The following OTOGL variants were observed in gnomAD, a reference collection of about 807,000 sequenced individuals.
The protein encoded by OTOGL is otogelin like.
OTOGL carries 285 observed loss-of-function variants against 318.5 expected under a neutral mutation model. The ratio of observed to expected loss-of-function variants is 0.89; its 90% CI spans 0.81 to 0.99. The LOEUF (loss-of-function observed/expected upper bound fraction) is 0.99, where lower values mean the gene tolerates loss of function less well. Among genes scored for constraint, OTOGL ranks in the 50% least tolerant of loss-of-function variants. The pLI is 0.00. For synonymous variants in OTOGL, 987 were observed against 936.5 expected, an observed-to-expected ratio of 1.05 and a Z score of -0.99; for missense variants, 2,899 against 2,845.6, an observed-to-expected ratio of 1.02 and a Z score of -0.43.
At chr12:80,102,761 A>G in intron 1 of OTOGL, 1 of 600,522 alleles carries the variant, frequency 1.7e-6, no homozygotes, top group Non-Finnish European at 2.9e-6. Flanking sequence ...TAAAACTTTA[A>G]TAAAGTCCTA....
At chr12:80,339,298 G>GTTTTTTTCTTTTTT in intron 43 of OTOGL, 34 bp downstream of exon 43, 1 of 535,102 alleles carries the variant, frequency 1.9e-6, no homozygotes, top group South Asian at 3.2e-5. Flanking sequence ...GATTTCGTCT[G>GTTTTTTTCTTTTTT]TTTTTTTTTT....
At chr12:80,266,179 C>T (rs559527387) in intron 20 of OTOGL, 37 of 381,516 alleles carry the variant, frequency 9.7e-5, no homozygotes, top group Non-Finnish European at 1.5e-4. Context: ...CTCAATTCAA[C>T]ATATATAGTT....
rs756290026 is a variant in OTOGL at position 80,336,503 on chromosome 12, G to T, written c.4691G>T (p.Arg1564Ile). Residue 1564 changes from arginine to isoleucine, a missense_variant, in exon 40 of 59, where the codon AGA becomes ATA. Arg to Ile is a moderately conservative substitution (Grantham distance 97, BLOSUM62 -3). Coordinates refer to ENST00000547103, the MANE Select transcript of OTOGL (RefSeq NM_001378609.3). ...AGCATGGCTTCTTATATCTTAGTAA[G>T]AATTCCTGGTGAAATTATAGTTGCT... is the stretch of plus-strand genomic sequence containing the variant. ...LYSMASYILVRIPGEIIVAHI... is the reference protein window; with the variant it reads ...LYSMASYILVIIPGEIIVAHI... The T allele has an allele frequency of 4.2e-5, 67 of 1,609,878 alleles. No individual in the cohort carries two copies. Among genetic ancestry groups the T allele is most frequent in the Non-Finnish European group, 5.4e-5 (63 of 1,176,984 alleles).
At chr12:80,148,615 G>C (rs564156748) in intron 1 of OTOGL, among the ~76,000 whole-genome samples, 2 of 151,998 alleles carry the variant, frequency 1.3e-5, no homozygotes, top group East Asian at 3.9e-4. Context: ...TGCTAGATTG[G>C]GGAAATTCTC....
chr12:80,273,674 CATACTTTG>C (rs1883578799), intron 24 of OTOGL, among the ~76,000 whole-genome samples: 1 of 152,032 alleles, frequency 6.6e-6, no homozygotes, highest in Admixed American at 6.6e-5. Flanking sequence ...CAGATACAAG[CATACTTTG>C]TTTCATTGTG....
At chr12:80,272,141 A>G (rs1883457897) in intron 24 of OTOGL, among the ~76,000 whole-genome samples, 1 of 152,112 alleles carries the variant, frequency 6.6e-6, no homozygotes, top group African/African-American at 2.4e-5. Flanking sequence ...TCTGTTGTGC[A>G]GTTACTGGTA....
chr12:80,168,060 A>T (rs1408453288), intron 1 of OTOGL, among the ~76,000 whole-genome samples: 1 of 151,168 alleles, frequency 6.6e-6, no homozygotes, highest in East Asian at 1.9e-4. Flanking sequence ...CAGACTCAAG[A>T]GATGTTCCCA....
chr12:80,154,767 G>C (rs1302951073), intron 1 of OTOGL, among the ~76,000 whole-genome samples: 1 of 152,130 alleles, frequency 6.6e-6, no homozygotes, highest in African/African-American at 2.4e-5. Flanking sequence ...GTTTTTGTGT[G>C]GACAGTTTTC....
chr12:80,285,928 G>A lies in OTOGL; in HGVS notation c.2928+6762G>A, dbSNP rs528929740. ...ACTATGTTGAATAAGAGTGGTAAGA[G>A]GGGGCATCCTTGTCTTGTGCCGGTT... On this transcript the variant is annotated intron_variant, in intron 26 of 58. Coordinates refer to ENST00000547103, the MANE Select transcript of OTOGL (RefSeq NM_001378609.3). 6.6e-5 allele frequency among the ~76,000 whole-genome samples: 10 copies of A among 152,274 alleles called. No individual in the cohort carries two copies. The South Asian group carries it at 1.9e-3, about 28-fold the overall frequency.
At chr12:80,257,142 C>A (rs1592617987) in intron 17 of OTOGL, among the ~76,000 whole-genome samples, 1 of 152,060 alleles carries the variant, frequency 6.6e-6, no homozygotes, top group Non-Finnish European at 1.5e-5. Flanking sequence ...CTTGATTTAT[C>A]TTACAAATCA....
intron 28 of OTOGL, among the ~76,000 whole-genome samples, chr12:80,303,882 C>T (rs558478161): frequency 1.3e-5 from 2 of 152,300 alleles, no homozygotes; most frequent in Non-Finnish European, 2.9e-5. Context: ...GACACAGAGC[C>T]AAGCCATGTT....
chr12:80,141,365 T>A (rs1392841545), intron 1 of OTOGL, among the ~76,000 whole-genome samples: 6 of 152,174 alleles, frequency 3.9e-5, no homozygotes, highest in Admixed American at 2.0e-4. Flanking sequence ...GAATCATTTT[T>A]CAACCATCAA....
chr12:80,325,729 A>G (rs1006280572), intron 35 of OTOGL, among the ~76,000 whole-genome samples: 1 of 152,224 alleles, frequency 6.6e-6, no homozygotes, highest in Non-Finnish European at 1.5e-5. Flanking sequence ...GGATGACAGC[A>G]TGTAACAGTG....
At chr12:80,258,603 A>G (rs1338280019) in intron 18 of OTOGL, among the ~76,000 whole-genome samples, 3 of 152,160 alleles carry the variant, frequency 2.0e-5, no homozygotes, top group Non-Finnish European at 4.4e-5. Context: ...GCAGTTTATA[A>G]TTTAGTGTAA....
At chr12:80,263,685 TG>T (rs1882725219) in intron 19 of OTOGL, among the ~76,000 whole-genome samples, 1 of 151,290 alleles carries the variant, frequency 6.6e-6, no homozygotes, top group African/African-American at 2.4e-5. Context: ...CCATGAACTG[TG>T]ATTTTTTTTT....
chr12:80,199,788 C>A (rs1362655392), intron 1 of OTOGL, among the ~76,000 whole-genome samples: 1 of 152,088 alleles, frequency 6.6e-6, no homozygotes, highest in Non-Finnish European at 1.5e-5. Flanking sequence ...TAGCTCAAAC[C>A]AGGAGGAAAG....
intron 9 of OTOGL, 142 bp from the exon 10 acceptor site, chr12:80,238,709 C>A: frequency 9.4e-7 from 1 of 1,062,638 alleles, no homozygotes; most frequent in Non-Finnish European, 1.2e-6. Context: ...ATGTTATTAT[C>A]TAATATCACA....
intron 11 of OTOGL, among the ~76,000 whole-genome samples, chr12:80,240,063 C>A (rs1258005904): frequency 3.3e-5 from 5 of 152,154 alleles, no homozygotes; most frequent in Non-Finnish European, 7.4e-5. Flanking sequence ...GGATTTCATT[C>A]TTTTTTATGG....
Position 80,378,756 on chromosome 12 carries a change from C to T in OTOGL, c.*708C>T, listed in dbSNP as rs544833732. The T allele has an allele frequency of 2.6e-5, 4 of 152,070 alleles. No individual in the cohort carries two copies. The South Asian group carries it at 8.3e-4, about 32-fold the overall frequency. The allele number at this position is 152,070 out of a possible 1,614,324, so 9.4% of individuals were successfully genotyped here. Reference sequence around the variant, plus strand: ...AGTAAGAGTATATCACAGAATCTTTCATTCTTAAAGAGTTTGCATTGGATA... The same window carrying T: ...AGTAAGAGTATATCACAGAATCTTTTATTCTTAAAGAGTTTGCATTGGATA... On this transcript the variant is annotated 3_prime_UTR_variant, in exon 59 of 59. Transcript: ENST00000547103.
Sources: gnomAD v4.1 joint callset for allele counts (sites outside exome capture counted in the v4.1 genomes callset) on GRCh38, gnomAD v4.1.1 for gene constraint, MANE v1.5 for transcripts, NCBI Gene and HGNC (gene_info 2026-07-23, HGNC 2026-07-21) for gene names.